Variants in POC1A observed in about 807,000 individuals in gnomAD.
The protein encoded by POC1A is POC1 centriolar protein A.
POC1A carries 34 observed loss-of-function variants against 47.8 expected under a neutral mutation model. That is an observed-to-expected ratio of 0.71 (90% CI 0.54 to 0.95). The LOEUF (loss-of-function observed/expected upper bound fraction) is 0.95, where lower values mean the gene tolerates loss of function less well. Among genes scored for constraint, POC1A ranks in the 40% least tolerant of loss-of-function variants. The probability of loss-of-function intolerance (pLI) is 0.00; values close to 1 mark genes in which losing one functional copy is unlikely to be tolerated. For missense variants in POC1A, 466 were observed against 528.3 expected (o/e 0.88, Z 1.16); for synonymous variants, 177 against 207.6 (o/e 0.85, Z 1.27).
At chr3:52,080,810 T>G (rs1702256771) in intron 10 of POC1A, among the ~76,000 whole-genome samples, 2 of 152,190 alleles carry the variant, frequency 1.3e-5, no homozygotes, top group South Asian at 4.1e-4. Flanking sequence ...GCCCATCCCC[T>G]GAAGACAAGG....
intron 9 of POC1A, among the ~76,000 whole-genome samples, chr3:52,103,224 G>A (rs957927649): frequency 6.6e-6 from 1 of 152,216 alleles, no homozygotes. Flanking sequence ...ATAGACCTAA[G>A]TGTAAAATCT....
intron 9 of POC1A, among the ~76,000 whole-genome samples, chr3:52,121,074 G>A (rs1258236409): frequency 6.6e-6 from 1 of 152,226 alleles, no homozygotes; most frequent in Non-Finnish European, 1.5e-5. Flanking sequence ...ATCTGGGGAA[G>A]GTGACTAAGC....
chr3:52,131,953 C>T (rs1160678919), intron 7 of POC1A, among the ~76,000 whole-genome samples: 1 of 152,180 alleles, frequency 6.6e-6, no homozygotes, highest in Non-Finnish European at 1.5e-5. Context: ...AACAAATGGA[C>T]TGCCCACCCA....
At chr3:52,078,116 G>A (rs1245913623) in intron 10 of POC1A, among the ~76,000 whole-genome samples, 1 of 152,098 alleles carries the variant, frequency 6.6e-6, no homozygotes, top group African/African-American at 2.4e-5. Flanking sequence ...ACCCCTCAAG[G>A]CAGTTTCTCC....
chr3:52,075,858 C>T lies in POC1A; in HGVS notation c.*29G>A. ...ATCCCTGGCCTGCCACCTGCAAATC[C>T]ACCGAGCTCCTGATTCCTGCTCCCC... On this transcript the variant is annotated 3_prime_UTR_variant, in exon 11 of 11. Transcript: ENST00000296484. 4 of 1,547,654 alleles carry T rather than the reference C, an allele frequency of 2.6e-6. No homozygotes were observed. The highest frequency in any genetic ancestry group is 2.2e-5 in the South Asian group (2 of 89,776).
chr3:52,089,905 G>A (rs1702589748), intron 10 of POC1A, among the ~76,000 whole-genome samples: 1 of 150,036 alleles, frequency 6.7e-6, no homozygotes, highest in African/African-American at 2.5e-5. Context: ...CCACCAGTGT[G>A]GAACCAGATG....
chr3:52,100,071 G>A (rs1366499294), intron 9 of POC1A, among the ~76,000 whole-genome samples: 1 of 152,136 alleles, frequency 6.6e-6, no homozygotes, highest in Non-Finnish European at 1.5e-5. Context: ...TGGGACTCTG[G>A]CCTCTCACAG....
chr3:52,085,972 T>C (rs1198494913), intron 10 of POC1A, among the ~76,000 whole-genome samples: 1 of 152,112 alleles, frequency 6.6e-6, no homozygotes, highest in East Asian at 1.9e-4. Flanking sequence ...AGGCCCCAAA[T>C]AGGGCAGCCT....
chr3:52,093,984 T>C (rs1421560256), intron 10 of POC1A, among the ~76,000 whole-genome samples: 1 of 152,108 alleles, frequency 6.6e-6, no homozygotes, highest in East Asian at 1.9e-4. Flanking sequence ...GCCCGCTGCA[T>C]CCCCATGGCT....
At chr3:52,093,307 CAG>C (rs1702704361) in intron 10 of POC1A, among the ~76,000 whole-genome samples, 1 of 152,210 alleles carries the variant, frequency 6.6e-6, no homozygotes, top group South Asian at 2.1e-4. Flanking sequence ...GCCCACCACA[CAG>C]AGTGGGCTCA....
At chr3:52,085,408 C>G (rs1336527777) in intron 10 of POC1A, among the ~76,000 whole-genome samples, 1 of 152,222 alleles carries the variant, frequency 6.6e-6, no homozygotes, top group Non-Finnish European at 1.5e-5. Context: ...CTCACTGCTT[C>G]TCCGTGCCCC....
chr3:52,116,073 C>G (rs565687312), intron 9 of POC1A, among the ~76,000 whole-genome samples: 1 of 152,280 alleles, frequency 6.6e-6, no homozygotes, highest in South Asian at 2.1e-4. Flanking sequence ...GGTCTCCTCT[C>G]CCTGTTTCTC....
chr3:52,133,508 G>A (rs1704315472), intron 7 of POC1A, among the ~76,000 whole-genome samples: 1 of 151,986 alleles, frequency 6.6e-6, no homozygotes, highest in South Asian at 2.1e-4. Flanking sequence ...CAAACCACCC[G>A]CACGCTGACT....
At chr3:52,113,969 A>G (rs114651301) in intron 9 of POC1A, among the ~76,000 whole-genome samples, 1,790 of 152,324 alleles carry the variant, frequency 0.012, 26 homozygotes, top group African/African-American at 0.038. Flanking sequence ...GAGTGAGCCC[A>G]TGAAATGAAA....
intron 9 of POC1A, among the ~76,000 whole-genome samples, chr3:52,111,529 C>T (rs990337535): frequency 5.5e-4 from 83 of 151,944 alleles, no homozygotes; most frequent in Non-Finnish European, 1.0e-3. Flanking sequence ...TGCCTGTAAT[C>T]CCAGCTACTC....
intron 10 of POC1A, among the ~76,000 whole-genome samples, chr3:52,086,111 A>T (rs1240466752): frequency 6.6e-6 from 1 of 152,076 alleles, no homozygotes; most frequent in African/African-American, 2.4e-5. Flanking sequence ...CGCCCCCATG[A>T]TGTCTCCCTG....
intron 9 of POC1A, among the ~76,000 whole-genome samples, chr3:52,118,851 C>A (rs889193191): frequency 1.3e-5 from 2 of 152,152 alleles, no homozygotes; most frequent in Non-Finnish European, 2.9e-5. Context: ...GCTATGGTGC[C>A]CATGAGCTCT....
intron 9 of POC1A, among the ~76,000 whole-genome samples, chr3:52,106,180 CAAAAAAAAAA>C (rs11350232): frequency 1.4e-5 from 1 of 73,576 alleles, no homozygotes; most frequent in Non-Finnish European, 2.7e-5. Flanking sequence ...GACTACGTCT[CAAAAAAAAAA>C]AAAAAAAAAA....
At chr3:52,125,299 A>G (rs1209411644) in intron 7 of POC1A, 118 bp from the exon 8 acceptor site, 1 of 797,626 alleles carries the variant, frequency 1.3e-6, no homozygotes, top group Non-Finnish European at 2.0e-6. Context: ...CCGAGAGCCC[A>G]CTCAGCCCAC....
Sources: allele counts gnomAD v4.1 joint callset (sites outside exome capture counted in the v4.1 genomes callset), GRCh38; gene constraint gnomAD v4.1.1; transcripts MANE v1.5; gene names NCBI Gene and HGNC (gene_info 2026-07-23, HGNC 2026-07-21).